The following RAI1 variants were observed in gnomAD, a reference collection of about 807,000 sequenced individuals.
RAI1 encodes the protein retinoic acid induced 1.
Under a neutral mutation model 123.8 loss-of-function variants are expected in RAI1, and 9 were observed. The observed-to-expected ratio is 0.07, with a 90% CI of 0.04 to 0.13. RAI1 has a LOEUF of 0.13. Among genes scored for constraint, RAI1 ranks in the 10% least tolerant of loss-of-function variants. The pLI, the probability that RAI1 is intolerant of heterozygous loss-of-function variation, is 1.00. For missense variants in RAI1, 2,256 were observed against 2,545.8 expected, an observed-to-expected ratio of 0.89 and a Z score of 2.45; for synonymous variants, 1,231 against 1,127.3, an observed-to-expected ratio of 1.09 and a Z score of -1.84.
chr17:17,774,260 G>T (rs1034864669), intron 2 of RAI1, among the ~76,000 whole-genome samples: 3 of 152,248 alleles, frequency 2.0e-5, no homozygotes, highest in South Asian at 4.1e-4. Context: ...TATTTTATGG[G>T]TGAGGAAGCG....
chr17:17,794,447 C>T lies in RAI1; in HGVS notation c.1499C>T (p.Pro500Leu), dbSNP rs775231187. Residue 500 changes from proline to leucine, a missense_variant, in exon 3 of 6, where the codon CCG (proline) becomes CTG (leucine). By Grantham distance (98) the Pro-to-Leu change is moderately conservative. Transcript: ENST00000353383. Reference protein sequence around the residue: ...AEPAGTPLSEPPSSTPQSTHA... With the variant: ...AEPAGTPLSELPSSTPQSTHA... ...CCCGCAGGCACACCGCTGTCAGAGC[C>T]GCCGAGCAGCACGCCACAGTCCACG... The T allele has an allele frequency of 2.9e-5, 46 of 1,612,608 alleles. No homozygotes were observed. The highest frequency in any genetic ancestry group is 8.3e-5 in the Admixed American group (5 of 59,978).
intron 1 of RAI1, among the ~76,000 whole-genome samples, chr17:17,691,872 C>T (rs1914849635): frequency 6.6e-6 from 1 of 152,134 alleles, no homozygotes; most frequent in Non-Finnish European, 1.5e-5. Flanking sequence ...CTCTCATTTG[C>T]AGCTTTCTGA....
chr17:17,704,514 G>A (rs1915330931), intron 1 of RAI1, among the ~76,000 whole-genome samples: 3 of 152,144 alleles, frequency 2.0e-5, no homozygotes, highest in Admixed American at 2.0e-4. Context: ...GCCGGGCAGT[G>A]GGGTGTGTAA....
chr17:17,780,316 T>C (rs2031524976), intron 2 of RAI1, among the ~76,000 whole-genome samples: 1 of 152,134 alleles, frequency 6.6e-6, no homozygotes, highest in African/African-American at 2.4e-5. Flanking sequence ...TCCACCCACC[T>C]TGGCCTCCCA....
At chr17:17,732,296 G>C (rs1300325677) in intron 2 of RAI1, among the ~76,000 whole-genome samples, 10 of 152,322 alleles carry the variant, frequency 6.6e-5, no homozygotes, top group Middle Eastern at 3.4e-3. Flanking sequence ...CTCAGAGAGA[G>C]GCTGTCTGAT....
chr17:17,746,634 C>CTTT (rs377692656), intron 2 of RAI1, among the ~76,000 whole-genome samples: 15 of 120,398 alleles, frequency 1.2e-4, no homozygotes, highest in Non-Finnish European at 1.7e-4. Flanking sequence ...CTTTTCTTTT[C>CTTT]TTTTTTTTTT....
chr17:17,749,395 C>G (rs2030063840), intron 2 of RAI1, among the ~76,000 whole-genome samples: 1 of 152,284 alleles, frequency 6.6e-6, no homozygotes, highest in African/African-American at 2.4e-5. Context: ...GCCTAGGCAT[C>G]AGGCGGAGGT....
At chr17:17,752,590 G>T (rs188499145) in intron 2 of RAI1, among the ~76,000 whole-genome samples, 19 of 152,274 alleles carry the variant, frequency 1.2e-4, no homozygotes, top group Admixed American at 1.2e-3. Flanking sequence ...GGCCCTTGGA[G>T]TCTGAGAGTG....
At chr17:17,752,342 C>CG (rs558373544) in intron 2 of RAI1, among the ~76,000 whole-genome samples, 82 of 152,278 alleles carry the variant, frequency 5.4e-4, no homozygotes, top group East Asian at 1.9e-3. Flanking sequence ...AGGGGCGGGG[C>CG]GGGGTGAGCG....
At position 17,811,297 on chromosome 17, in the gene RAI1, CTA is replaced by C. The variant is rs2032792545; in HGVS notation, c.*1317_*1318del. 1 of 296,390 alleles carries C rather than the reference CTA, an allele frequency of 3.4e-6. No homozygotes were observed. The highest frequency in any genetic ancestry group is 3.0e-5 in the South Asian group (1 of 33,138). 18.4% of individuals were successfully genotyped at this position (296,390 alleles called of 1,614,324 possible). On this transcript the variant is annotated 3_prime_UTR_variant, in exon 6 of 6. Coordinates refer to ENST00000353383, the MANE Select transcript of RAI1 (RefSeq NM_030665.4). ...ATGAAGACTGTAAATGTTAAGACGA[CTA>C]GTGTTCTTATTAGTATATTGCTTCA...
intron 1 of RAI1, among the ~76,000 whole-genome samples, chr17:17,703,138 C>T (rs1034252678): frequency 6.6e-6 from 1 of 152,178 alleles, no homozygotes; most frequent in Non-Finnish European, 1.5e-5. Context: ...CCAACCTGCA[C>T]CTCCACCCCC....
chr17:17,746,517 T>C (rs941449), intron 2 of RAI1, among the ~76,000 whole-genome samples: 17,652 of 152,114 alleles, frequency 0.12, 1,235 homozygotes, highest in South Asian at 0.38. Flanking sequence ...CAGGAGCTCC[T>C]GCCATCCCCT....
intron 1 of RAI1, among the ~76,000 whole-genome samples, chr17:17,688,963 T>TA (rs1266577098): frequency 2.3e-5 from 3 of 131,994 alleles, no homozygotes; most frequent in African/African-American, 5.3e-5. Context: ...TGATTATTAT[T>TA]TTTTTTTTTT....
rs552296298 is a variant in RAI1 at position 17,765,354 on chromosome 17, A to G, written c.-16-27579A>G. ...CCAGGCAGGAGGTGGAGGGGAAGGT[A>G]TGTGGGCCCAGCCCTAGGGCTCCTC... On this transcript the variant is annotated intron_variant, in intron 2 of 5. Transcript: ENST00000353383. Among the ~76,000 whole-genome samples, 14 of 152,352 alleles carry G rather than the reference A, an allele frequency of 9.2e-5. No homozygotes were observed. The South Asian group carries it at 2.9e-3, about 32-fold the overall frequency.
chr17:17,798,001 C>T lies in RAI1; in HGVS notation c.5053C>T (p.Leu1685Phe). 1 of 1,614,146 alleles carries T rather than the reference C, an allele frequency of 6.2e-7. No individual in the cohort carries two copies. The highest frequency in any genetic ancestry group is 8.5e-7 in the Non-Finnish European group (1 of 1,180,032). The change falls in exon 3 of 6, where the codon CTT becomes TTT. Residue 1685 changes from leucine to phenylalanine, a missense_variant. Physicochemically the swap from Leu to Phe is conservative, Grantham distance 22. Transcript: ENST00000353383. ...TTCCAAGGCCCTGAGTACCTCTTGCCTTGTTTGCTGCCTCTGCCAAAACCC... is the reference window on the plus strand; with the variant it reads ...TTCCAAGGCCCTGAGTACCTCTTGCTTTGTTTGCTGCCTCTGCCAAAACCC... Reference protein sequence around the residue: ...VVSKALSTSCLVCCLCQNPAN... With the variant: ...VVSKALSTSCFVCCLCQNPAN...
chr17:17,711,319 G>A (rs867365926), intron 1 of RAI1, among the ~76,000 whole-genome samples: 17 of 152,190 alleles, frequency 1.1e-4, no homozygotes, highest in African/African-American at 2.9e-4. Flanking sequence ...TTGTGTCCCC[G>A]AGGCATCTGG....
At position 17,769,431 on chromosome 17, in the gene RAI1, G is replaced by A. The variant is rs186492159; in HGVS notation, c.-16-23502G>A. On this transcript the variant is annotated intron_variant, in intron 2 of 5. Transcript: ENST00000353383. ...CTGGGAGCCAGCTCCCCCGAGGCACGGGGGCTCAAGAGGTCTGAGCAGCAT... is the reference window on the plus strand; with the variant it reads ...CTGGGAGCCAGCTCCCCCGAGGCACAGGGGCTCAAGAGGTCTGAGCAGCAT... 3.0e-4 allele frequency among the ~76,000 whole-genome samples: 46 copies of A among 152,296 alleles called. 1 individual carries two copies. In the East Asian group the frequency reaches 7.7e-3, roughly 26 times the overall value.
At chr17:17,750,074 AG>A (rs2030093649) in intron 2 of RAI1, among the ~76,000 whole-genome samples, 1 of 152,258 alleles carries the variant, frequency 6.6e-6, no homozygotes, top group African/African-American at 2.4e-5. Context: ...CTTAGTGTGG[AG>A]GGTCCACCCT....
Position 17,720,101 on chromosome 17 carries a change from C to T in RAI1, c.-148-3927C>T, listed in dbSNP as rs8079801. Among the ~76,000 whole-genome samples the T allele has an allele frequency of 1.7e-4, 26 of 152,272 alleles. No homozygotes were observed. The East Asian group carries it at 4.4e-3, about 26-fold the overall frequency. Reference sequence around the variant, plus strand: ...CAGTGAGCCTTGTCCTTGGCTGGCTCCACTGCCTGCATTCCCTAGGACCCT... The same window carrying T: ...CAGTGAGCCTTGTCCTTGGCTGGCTTCACTGCCTGCATTCCCTAGGACCCT... On this transcript the variant is annotated intron_variant, in intron 1 of 5. Coordinates refer to ENST00000353383, the MANE Select transcript of RAI1 (RefSeq NM_030665.4).
Sources: gnomAD v4.1 joint callset for allele counts (sites outside exome capture counted in the v4.1 genomes callset) on GRCh38, gnomAD v4.1.1 for gene constraint, MANE v1.5 for transcripts, NCBI Gene and HGNC (gene_info 2026-07-23, HGNC 2026-07-21) for gene names.